Variants in DCAF8L2 observed in about 807,000 individuals in gnomAD.
DCAF8L2 encodes DDB1- and CUL4-associated factor 8-like protein 2.
For synonymous variants in DCAF8L2, 200 were observed against 190.9 expected (o/e 1.05, Z -0.39); for missense variants, 430 against 490.7 (o/e 0.88, Z 1.17).
the DCAF8L2 span, among the ~76,000 whole-genome samples, chrX:27,511,415 G>A: frequency 4.5e-5 from 5 of 111,250 alleles, no homozygotes; most frequent in South Asian, 1.9e-3. Flanking sequence ...CCAAGCATTA[G>A]AGGAACAGAA....
the DCAF8L2 span, among the ~76,000 whole-genome samples, chrX:27,579,936 C>A: frequency 9.3e-6 from 1 of 107,887 alleles, no homozygotes; most frequent in Non-Finnish European, 1.9e-5. Flanking sequence ...GTTAATATTT[C>A]TTATAAAATA....
chrX:27,689,393 C>T (rs2147252179), intron 3 of DCAF8L2, among the ~76,000 whole-genome samples: 1 of 111,833 alleles, frequency 8.9e-6, no homozygotes, highest in South Asian at 3.8e-4. Flanking sequence ...TACAGGTGCA[C>T]ACCACCACAC....
At chrX:27,476,188 G>C in the DCAF8L2 span, among the ~76,000 whole-genome samples, 3 of 109,905 alleles carry the variant, frequency 2.7e-5, no homozygotes, top group African/African-American at 9.9e-5. Context: ...TTATGTAACC[G>C]AGACTACTTG....
At chrX:27,643,804 G>A (rs759275234) in intron 2 of DCAF8L2, among the ~76,000 whole-genome samples, 1 of 111,652 alleles carries the variant, frequency 9.0e-6, no homozygotes, top group Non-Finnish European at 1.9e-5. Flanking sequence ...CCTAATATGT[G>A]TTTGATTTTT....
At chrX:27,613,668 T>C (rs1218115786) in intron 1 of DCAF8L2, among the ~76,000 whole-genome samples, 12 of 111,863 alleles carry the variant, frequency 1.1e-4, no homozygotes, top group East Asian at 8.4e-4. Flanking sequence ...TGAAGGGCTG[T>C]TGAATTTTCT....
the DCAF8L2 span, among the ~76,000 whole-genome samples, chrX:27,555,783 TC>T: frequency 9.0e-6 from 1 of 111,481 alleles, no homozygotes; most frequent in East Asian, 2.9e-4. Flanking sequence ...TTTGGGAGCA[TC>T]CAGTGGTGTT....
At chrX:27,615,982 A>T (rs1927456173) in intron 1 of DCAF8L2, among the ~76,000 whole-genome samples, 1 of 111,316 alleles carries the variant, frequency 9.0e-6, no homozygotes, top group African/African-American at 3.2e-5. Flanking sequence ...GATATATTAG[A>T]TTTATGGAGT....
chrX:27,490,867 A>G, the DCAF8L2 span, among the ~76,000 whole-genome samples: 11 of 111,438 alleles, frequency 9.9e-5, no homozygotes, highest in South Asian at 1.9e-3. Context: ...TTGGTCTCCA[A>G]TGTCTACTGT....
chrX:27,498,025 C>A, the DCAF8L2 span, among the ~76,000 whole-genome samples: 1 of 112,245 alleles, frequency 8.9e-6, no homozygotes, highest in African/African-American at 3.2e-5. Flanking sequence ...AAATACTATT[C>A]CATTGTGTGT....
the DCAF8L2 span, among the ~76,000 whole-genome samples, chrX:27,514,668 CAAAAAAAAAAAAAAAAA>C: frequency 4.0e-4 from 1 of 2,527 alleles, no homozygotes; most frequent in African/African-American, 1.2e-3. Flanking sequence ...GACTCCGTCT[CAAAAAAAAAAAAAAAAA>C]AAAAAAAAAA....
chrX:27,582,233 A>G, the DCAF8L2 span, among the ~76,000 whole-genome samples: 1 of 111,859 alleles, frequency 8.9e-6, no homozygotes, highest in African/African-American at 3.3e-5. Context: ...TCTCTCATCT[A>G]GCTTTTCCTA....
chrX:27,573,712 C>T, the DCAF8L2 span, among the ~76,000 whole-genome samples: 1 of 111,525 alleles, frequency 9.0e-6, no homozygotes, highest in African/African-American at 3.3e-5. Context: ...TTGGAAAGGA[C>T]CCCAGTCACT....
chrX:27,651,358 T>A (rs937599056), intron 2 of DCAF8L2, among the ~76,000 whole-genome samples: 1 of 110,769 alleles, frequency 9.0e-6, no homozygotes, highest in South Asian at 3.8e-4. Context: ...ATCTAAGAAT[T>A]TGTGATTTTT....
intron 1 of DCAF8L2, among the ~76,000 whole-genome samples, chrX:27,613,292 A>G (rs1927282925): frequency 1.8e-5 from 2 of 111,697 alleles, no homozygotes; most frequent in South Asian, 3.7e-4. Flanking sequence ...ATTTTTGCAC[A>G]TTGATTTTGT....
chrX:27,727,918 T>C (rs1932123373), intron 4 of DCAF8L2, among the ~76,000 whole-genome samples: 1 of 112,041 alleles, frequency 8.9e-6, no homozygotes, highest in Non-Finnish European at 1.9e-5. Context: ...CTTTTGATGC[T>C]ATTGTAAATG....
At chrX:27,623,686 G>A (rs760687702) in intron 1 of DCAF8L2, among the ~76,000 whole-genome samples, 6 of 111,047 alleles carry the variant, frequency 5.4e-5, no homozygotes, top group Non-Finnish European at 9.4e-5. Flanking sequence ...ATAGCAGCCC[G>A]AGTATGATTT....
chrX:27,485,556 A>G, the DCAF8L2 span, among the ~76,000 whole-genome samples: 50 of 111,907 alleles, frequency 4.5e-4, no homozygotes, highest in East Asian at 0.01. Context: ...ATGTCTCATT[A>G]TTCTATAGTA....
At chrX:27,578,780 T>C in the DCAF8L2 span, among the ~76,000 whole-genome samples, 2 of 110,655 alleles carry the variant, frequency 1.8e-5, no homozygotes, top group African/African-American at 6.6e-5. Flanking sequence ...GACCTTTATG[T>C]GACCAACAAA....
At chrX:27,521,831 C>T in the DCAF8L2 span, among the ~76,000 whole-genome samples, 1 of 111,817 alleles carries the variant, frequency 8.9e-6, no homozygotes, top group East Asian at 2.8e-4. Context: ...ATATACTAAG[C>T]ATCCTATTTG....
Sources: gnomAD v4.1 joint callset for allele counts (sites outside exome capture counted in the v4.1 genomes callset) on GRCh38, gnomAD v4.1.1 for gene constraint, MANE v1.5 for transcripts, NCBI Gene and HGNC (gene_info 2026-07-23, HGNC 2026-07-21) for gene names.